The following CSMD1 variants were observed in gnomAD, a reference collection of about 807,000 sequenced individuals.
CSMD1 encodes the protein CUB and sushi domain-containing protein 1.
CSMD1 carries 213 observed loss-of-function variants against 417.5 expected under a neutral mutation model. The observed-to-expected ratio is 0.51, with a 90% confidence interval of 0.46 to 0.57. The LOEUF is 0.57. CSMD1 is among the 20% of genes least tolerant of loss of function. CSMD1 has a pLI of 0.00. For synonymous variants in CSMD1, 2,862 were observed against 1,736.8 expected, an observed-to-expected ratio of 1.65 and a Z score of -16.11; for missense variants, 6,923 against 4,529.7, an observed-to-expected ratio of 1.53 and a Z score of -15.17.
At chr8:3,078,802 A>G (rs1813876559) in intron 49 of CSMD1, among the ~76,000 whole-genome samples, 1 of 152,190 alleles carries the variant, frequency 6.6e-6, no homozygotes, top group African/African-American at 2.4e-5. Context: ...CTGCCTTGAC[A>G]TTCAACAACA....
intron 8 of CSMD1, among the ~76,000 whole-genome samples, chr8:3,614,386 T>C (rs969951735): frequency 6.6e-6 from 1 of 152,040 alleles, no homozygotes; most frequent in African/African-American, 2.4e-5. Context: ...TCAGACTTAA[T>C]GTTCATCCTG....
chr8:3,623,396 G>A (rs905806936), intron 7 of CSMD1, among the ~76,000 whole-genome samples: 2 of 152,118 alleles, frequency 1.3e-5, no homozygotes, highest in African/African-American at 4.8e-5. Context: ...GTGCCATCAT[G>A]AATAAAGCAA....
chr8:4,439,473 ACTTT>A (rs1186395423), intron 2 of CSMD1, among the ~76,000 whole-genome samples: 13 of 150,456 alleles, frequency 8.6e-5, no homozygotes, highest in Admixed American at 7.2e-4. Context: ...ATGTTTTCCT[ACTTT>A]CTTCCGTTTG....
chr8:4,079,875 T>C (rs1308847678), intron 3 of CSMD1, among the ~76,000 whole-genome samples: 1 of 152,170 alleles, frequency 6.6e-6, no homozygotes, highest in African/African-American at 2.4e-5. Context: ...GAATACCATC[T>C]TCATAGGCTG....
intron 50 of CSMD1, among the ~76,000 whole-genome samples, chr8:3,040,397 T>TATATAG (rs1235053776): frequency 6.9e-6 from 1 of 144,490 alleles, no homozygotes; most frequent in Non-Finnish European, 1.5e-5. Flanking sequence ...AATATATATA[T>TATATAG]ATATATATAT....
intron 5 of CSMD1, among the ~76,000 whole-genome samples, chr8:3,771,338 A>C (rs1798562624): frequency 6.6e-6 from 1 of 152,202 alleles, no homozygotes; most frequent in African/African-American, 2.4e-5. Context: ...CAGACAAAGA[A>C]GAACGCTTAG....
chr8:4,209,647 G>C lies in CSMD1; in HGVS notation c.416-177548C>G, dbSNP rs148130153. Among the ~76,000 whole-genome samples the C allele has an allele frequency of 1.2e-3, 177 of 152,248 alleles. 5 individuals are homozygous for C. The East Asian group carries it at 0.031, about 26-fold the overall frequency. ...CCCCGAATTGGGGCTTAGCCTGGGA[G>C]GGTTGTTGGCTTCACCCAGGAAGGA... On this transcript the variant is annotated intron_variant, in intron 3 of 69. Coordinates refer to ENST00000635120, the MANE Select transcript of CSMD1 (RefSeq NM_033225.6).
intron 2 of CSMD1, among the ~76,000 whole-genome samples, chr8:4,618,558 C>T (rs868739633): frequency 5.3e-5 from 8 of 151,806 alleles, no homozygotes; most frequent in Admixed American, 2.0e-4. Context: ...CTTCTTATCG[C>T]CTACATAGCC....
At chr8:4,199,710 C>A (rs535558444) in intron 3 of CSMD1, among the ~76,000 whole-genome samples, 3 of 152,214 alleles carry the variant, frequency 2.0e-5, no homozygotes, top group South Asian at 2.1e-4. Flanking sequence ...TAATCCAGTG[C>A]CATTTCTCAG....
rs947399675 is a variant in CSMD1 at position 3,817,577 on chromosome 8, C to A, written c.819-63535G>T. ...TGCAGGCATGAGCCACTGCGCCTGG[C>A]CATCTTCTTTATTTAGAGTCACAGA... On this transcript the variant is annotated intron_variant, in intron 5 of 69. Coordinates refer to ENST00000635120, the MANE Select transcript of CSMD1 (RefSeq NM_033225.6). 2.0e-5 allele frequency among the ~76,000 whole-genome samples: 3 copies of A among 151,994 alleles called. No homozygotes were observed. The East Asian group carries it at 5.8e-4, about 29-fold the overall frequency.
intron 50 of CSMD1, 84 bp downstream of exon 50, chr8:3,052,378 G>A: frequency 2.9e-6 from 3 of 1,028,392 alleles, no homozygotes; most frequent in South Asian, 1.7e-5. Flanking sequence ...GAGGACCTCT[G>A]AACGTGGGAA....
rs192913393 is a variant in CSMD1 at position 3,741,007 on chromosome 8, G to C, written c.931+12923C>G. 2.2e-3 allele frequency among the ~76,000 whole-genome samples: 331 copies of C among 152,074 alleles called. 1 individual carries two copies. The highest frequency in any genetic ancestry group is 7.5e-3 in the African/African-American group (311 of 41,470). ...AGGTGGACGGATCACCTCAGGTCAG[G>C]ATTTCCAGACCAGCCTGGCCAACAT... On this transcript the variant is annotated intron_variant, in intron 6 of 69. Transcript: ENST00000635120.
At chr8:4,812,058 T>C (rs916188694) in intron 1 of CSMD1, among the ~76,000 whole-genome samples, 5 of 152,186 alleles carry the variant, frequency 3.3e-5, no homozygotes, top group Non-Finnish European at 5.9e-5. Context: ...CTGTCATTTA[T>C]AAAACTTTGG....
At chr8:3,160,048 G>C (rs79804536) in intron 38 of CSMD1, among the ~76,000 whole-genome samples, 2,497 of 152,238 alleles carry the variant, frequency 0.016, 60 homozygotes, top group African/African-American at 0.056. Context: ...CCCCGAAAAA[G>C]GCACAAAAAC....
chr8:4,289,211 A>G (rs1488163828), intron 3 of CSMD1, among the ~76,000 whole-genome samples: 1 of 152,188 alleles, frequency 6.6e-6, no homozygotes, highest in Non-Finnish European at 1.5e-5. Context: ...ACCAGTTTCT[A>G]GATACCTGTC....
At chr8:3,207,517 C>T (rs1005448598) in intron 30 of CSMD1, among the ~76,000 whole-genome samples, 1 of 152,020 alleles carries the variant, frequency 6.6e-6, no homozygotes, top group African/African-American at 2.4e-5. Flanking sequence ...TGTTAATTAG[C>T]ATTATGTTAA....
intron 25 of CSMD1, among the ~76,000 whole-genome samples, chr8:3,291,434 G>C (rs11776012): frequency 0.85 from 129,870 of 152,016 alleles, 56,244 homozygotes; most frequent in Non-Finnish European, 0.93. Context: ...TGGCAGAATT[G>C]GACTGTGAAT....
chr8:4,064,004 C>T (rs972135573), intron 3 of CSMD1, among the ~76,000 whole-genome samples: 1 of 151,990 alleles, frequency 6.6e-6, no homozygotes, highest in African/African-American at 2.4e-5. Context: ...AATGAGTGTA[C>T]CTAAAGAAGC....
intron 12 of CSMD1, among the ~76,000 whole-genome samples, chr8:3,414,485 C>T (rs957622775): frequency 6.6e-6 from 1 of 152,136 alleles, no homozygotes; most frequent in Admixed American, 6.5e-5. Flanking sequence ...TGTCTATCAT[C>T]ATTTGCCATC....
Sources: gnomAD v4.1 joint callset for allele counts (sites outside exome capture counted in the v4.1 genomes callset) on GRCh38, gnomAD v4.1.1 for gene constraint, MANE v1.5 for transcripts, NCBI Gene and HGNC (gene_info 2026-07-23, HGNC 2026-07-21) for gene names.